The following RYR3 variants were observed in gnomAD, a reference collection of about 807,000 sequenced individuals.
RYR3 encodes the protein ryanodine receptor 3.
RYR3 carries 207 observed loss-of-function variants against 584.3 expected under a neutral mutation model. That is an observed-to-expected ratio of 0.35 (90% confidence interval 0.32 to 0.40). The LOEUF (loss-of-function observed/expected upper bound fraction) is 0.40. Ranked by LOEUF, RYR3 falls within the 10% of genes least tolerant of loss-of-function variation. The pLI is 1.00. For synonymous variants in RYR3, 2,416 were observed against 2,248.5 expected (o/e 1.07, Z -2.11); for missense variants, 5,616 against 6,089.2 (o/e 0.92, Z 2.59).
intron 65 of RYR3, among the ~76,000 whole-genome samples, chr15:33,783,937 A>G (rs1420921636): frequency 6.6e-6 from 1 of 152,116 alleles, no homozygotes. Context: ...CTTTCATGCT[A>G]TTAATCCTTT....
chr15:33,667,760 A>C (rs931832926), intron 36 of RYR3, among the ~76,000 whole-genome samples: 4 of 152,080 alleles, frequency 2.6e-5, no homozygotes, highest in African/African-American at 9.7e-5. Context: ...TAGCACAAAA[A>C]CTACTAAAAA....
At chr15:33,813,674 T>C (rs773461241) in intron 74 of RYR3, 95 bp downstream of exon 74, 35 of 1,042,334 alleles carry the variant, frequency 3.4e-5, no homozygotes, top group Non-Finnish European at 5.0e-5. Context: ...ATCCAAGGAA[T>C]AGAAATTGGA....
At chr15:33,740,363 A>G (rs1298612697) in intron 51 of RYR3, among the ~76,000 whole-genome samples, 1 of 152,208 alleles carries the variant, frequency 6.6e-6, no homozygotes, top group African/African-American at 2.4e-5. Flanking sequence ...TGGTTCTAAT[A>G]GCATCATACA....
chr15:33,446,947 G>T (rs2046717922), intron 1 of RYR3, among the ~76,000 whole-genome samples: 1 of 152,126 alleles, frequency 6.6e-6, no homozygotes, highest in Non-Finnish European at 1.5e-5. Context: ...CTTTTTTCCT[G>T]CTCTTTCCCC....
intron 12 of RYR3, among the ~76,000 whole-genome samples, chr15:33,577,905 C>T (rs2058381244): frequency 3.3e-5 from 5 of 151,882 alleles, no homozygotes; most frequent in Admixed American, 3.3e-4. Flanking sequence ...CTACAAGGAA[C>T]TTAAATTTAC....
intron 1 of RYR3, among the ~76,000 whole-genome samples, chr15:33,410,463 A>G (rs2043323061): frequency 6.6e-6 from 1 of 152,250 alleles, no homozygotes; most frequent in South Asian, 2.1e-4. Flanking sequence ...TTTTGTCACT[A>G]AAGGTCCATC....
At chr15:33,473,267 A>T in intron 1 of RYR3, 152 bp from the exon 2 acceptor site, 2 of 902,172 alleles carry the variant, frequency 2.2e-6, no homozygotes, top group Non-Finnish European at 3.7e-6. Flanking sequence ...GTGAATAAAA[A>T]ATCTCCTTCC....
At chr15:33,571,273 G>C (rs77989447) in intron 12 of RYR3, among the ~76,000 whole-genome samples, 2 of 152,152 alleles carry the variant, frequency 1.3e-5, no homozygotes, top group Admixed American at 6.5e-5. Flanking sequence ...TTCCTGGTTT[G>C]TTGAGAGCTT....
At chr15:33,435,323 C>T (rs1253449984) in intron 1 of RYR3, among the ~76,000 whole-genome samples, 1 of 149,710 alleles carries the variant, frequency 6.7e-6, no homozygotes. Context: ...TCTGGAACTA[C>T]TTTTGTTAAT....
At chr15:33,481,148 A>G (rs1278706075) in intron 2 of RYR3, among the ~76,000 whole-genome samples, 1 of 152,130 alleles carries the variant, frequency 6.6e-6, no homozygotes, top group Non-Finnish European at 1.5e-5. Flanking sequence ...CTTACTGTTT[A>G]TATGGTACAT....
In RYR3 at chr15:33,518,006, ATCT is replaced by A. The variant is rs1387827302; in HGVS notation, c.280-12581_280-12579del. On this transcript the variant is annotated intron_variant, in intron 3 of 103. Coordinates refer to ENST00000634891, the MANE Select transcript of RYR3 (RefSeq NM_001036.6). Reference sequence around the variant, plus strand: ...TGGCACAATTTTCTAGGGTTTCTAAATCTTCTTTTGATTCTTCAAGTTGCATAA... The same window carrying A: ...TGGCACAATTTTCTAGGGTTTCTAAATCTTTTGATTCTTCAAGTTGCATAA... Among the ~76,000 whole-genome samples the A allele has an allele frequency of 5.3e-5, 8 of 152,256 alleles. No homozygotes were observed. In the East Asian group the frequency reaches 9.6e-4, roughly 18 times the overall value.
At chr15:33,859,368 G>A (rs967499191) in intron 99 of RYR3, among the ~76,000 whole-genome samples, 13 of 152,126 alleles carry the variant, frequency 8.5e-5, no homozygotes, top group Non-Finnish European at 1.5e-4. Flanking sequence ...TAAATGTAAC[G>A]ACAGTCTTTC....
At chr15:33,514,460 GT>G (rs1207047747) in intron 3 of RYR3, among the ~76,000 whole-genome samples, 1 of 152,064 alleles carries the variant, frequency 6.6e-6, no homozygotes. Context: ...GCCTTTGGGA[GT>G]TTGCTTTTAA....
At chr15:33,862,821 A>ACAC (rs1888876574) in intron 102 of RYR3, among the ~76,000 whole-genome samples, 3 of 151,856 alleles carry the variant, frequency 2.0e-5, no homozygotes, top group Non-Finnish European at 4.4e-5. Context: ...GTGTTGGCCA[A>ACAC]GCTGGTCTCA....
At chr15:33,839,096 A>G in intron 89 of RYR3, 138 bp downstream of exon 89, 1 of 1,069,538 alleles carries the variant, frequency 9.3e-7, no homozygotes. Context: ...GATTACGCTG[A>G]TCTTATAATT....
chr15:33,610,154 A>C (rs576149855), intron 18 of RYR3, among the ~76,000 whole-genome samples: 1 of 152,106 alleles, frequency 6.6e-6, no homozygotes, highest in East Asian at 1.9e-4. Context: ...TTGCCCCACC[A>C]TATCTCCCTC....
At chr15:33,641,229 G>A (rs1171575655) in intron 27 of RYR3, among the ~76,000 whole-genome samples, 1 of 152,256 alleles carries the variant, frequency 6.6e-6, no homozygotes, top group Non-Finnish European at 1.5e-5. Flanking sequence ...GTTGCTTGCT[G>A]TGGACTCCTG....
intron 60 of RYR3, among the ~76,000 whole-genome samples, chr15:33,761,458 A>C (rs1157300509): frequency 1.3e-5 from 2 of 152,260 alleles, no homozygotes; most frequent in African/African-American, 4.8e-5. Flanking sequence ...ACCGTTAGAG[A>C]ATACTACAAA....
intron 1 of RYR3, among the ~76,000 whole-genome samples, chr15:33,358,318 C>A (rs1974269626): frequency 6.6e-6 from 1 of 152,208 alleles, no homozygotes; most frequent in Non-Finnish European, 1.5e-5. Flanking sequence ...GGCACTGCTG[C>A]CCATCTGGAA....
Sources: allele counts gnomAD v4.1 joint callset (sites outside exome capture counted in the v4.1 genomes callset), GRCh38; gene constraint gnomAD v4.1.1; transcripts MANE v1.5; gene names NCBI Gene and HGNC (gene_info 2026-07-23, HGNC 2026-07-21).